DNM3: variants seen among roughly 807,000 people sequenced by gnomAD.
DNM3 encodes dynamin-3.
DNM3 carries 47 observed loss-of-function variants against 101.6 expected under a neutral mutation model. That is an observed-to-expected ratio of 0.46 (90% confidence interval 0.37 to 0.59). The LOEUF is 0.59. Ranked by LOEUF, DNM3 falls within the 20% of genes least tolerant of loss-of-function variation. The pLI, the probability that DNM3 is intolerant of heterozygous loss-of-function variation, is 0.00. For missense variants in DNM3, 849 were observed against 1,085.7 expected, an observed-to-expected ratio of 0.78 and a Z score of 3.06; for synonymous variants, 385 against 387.9, an observed-to-expected ratio of 0.99 and a Z score of 0.09.
In DNM3 at chr1:171,939,140, A is replaced by G. The variant is rs531058722; in HGVS notation, c.235+17319A>G. Among the ~76,000 whole-genome samples, 4 of 152,246 alleles carry G rather than the reference A, an allele frequency of 2.6e-5. No homozygotes were observed. The East Asian group carries it at 7.7e-4, about 29-fold the overall frequency. ...TAGACAAAATTTCTAGTAGTCAATT[A>G]TGTACCTTCCAATATTGAGATCAAT... is the stretch of plus-strand genomic sequence containing the variant. On this transcript the variant is annotated intron_variant, in intron 2 of 20. Transcript: ENST00000627582.
intron 4 of DNM3, among the ~76,000 whole-genome samples, chr1:172,022,127 A>G (rs540923678): frequency 2.0e-5 from 3 of 152,300 alleles, no homozygotes; most frequent in African/African-American, 7.2e-5. Flanking sequence ...TGCCAGTTTC[A>G]TGCCACACAG....
chr1:171,847,918 G>T (rs2124976447), intron 1 of DNM3, among the ~76,000 whole-genome samples: 1 of 152,040 alleles, frequency 6.6e-6, no homozygotes, highest in Non-Finnish European at 1.5e-5. Flanking sequence ...GTGTGTGTGT[G>T]TGTGTGTGTG....
intron 14 of DNM3, chr1:172,138,800 G>A: frequency 2.3e-6 from 1 of 433,902 alleles, no homozygotes; most frequent in Non-Finnish European, 4.8e-6. Flanking sequence ...TGTCATTCAG[G>A]CTGGGTTGTC....
intron 13 of DNM3, among the ~76,000 whole-genome samples, chr1:172,130,158 T>C (rs1162733646): frequency 6.6e-6 from 1 of 152,260 alleles, no homozygotes; most frequent in Non-Finnish European, 1.5e-5. Context: ...CTTCCTTTAG[T>C]AACTTACATT....
At chr1:172,378,873 T>C in intron 17 of DNM3, 145 bp from the exon 18 acceptor site, 1 of 917,316 alleles carries the variant, frequency 1.1e-6, no homozygotes, top group Non-Finnish European at 1.6e-6. Flanking sequence ...TCAGAACCAG[T>C]GGATGCATAA....
At chr1:172,132,142 C>A (rs1281165374) in intron 14 of DNM3, among the ~76,000 whole-genome samples, 2 of 152,152 alleles carry the variant, frequency 1.3e-5, no homozygotes, top group Non-Finnish European at 2.9e-5. Context: ...GTGAGATTCT[C>A]AATTTCATGT....
chr1:172,095,614 G>A (rs2054194731), intron 13 of DNM3, among the ~76,000 whole-genome samples: 1 of 152,108 alleles, frequency 6.6e-6, no homozygotes, highest in Non-Finnish European at 1.5e-5. Flanking sequence ...CCACCCTTCC[G>A]ACTGATGCTG....
chr1:172,143,068 T>C (rs2057674427), intron 14 of DNM3, among the ~76,000 whole-genome samples: 1 of 152,102 alleles, frequency 6.6e-6, no homozygotes, highest in South Asian at 2.1e-4. Context: ...ATGAGAATAC[T>C]TAATGTTTTC....
chr1:171,875,377 G>A (rs994398189), intron 1 of DNM3, among the ~76,000 whole-genome samples: 2 of 152,146 alleles, frequency 1.3e-5, no homozygotes, highest in African/African-American at 4.8e-5. Flanking sequence ...TGAATTGTTT[G>A]TACCAAAGTT....
At chr1:171,968,689 C>T (rs1300372717) in intron 2 of DNM3, among the ~76,000 whole-genome samples, 3 of 152,106 alleles carry the variant, frequency 2.0e-5, no homozygotes, top group African/African-American at 7.2e-5. Context: ...GGAGCTCAGT[C>T]CAAACCGATG....
chr1:171,964,010 A>G (rs1571859044), intron 2 of DNM3, among the ~76,000 whole-genome samples: 1 of 152,168 alleles, frequency 6.6e-6, no homozygotes, highest in Admixed American at 6.6e-5. Context: ...CAGCATTAAC[A>G]TTAGAACAGA....
chr1:171,923,260 A>G (rs2040319230), intron 2 of DNM3, among the ~76,000 whole-genome samples: 1 of 152,196 alleles, frequency 6.6e-6, no homozygotes, highest in Non-Finnish European at 1.5e-5. Context: ...TTTCCTAATG[A>G]CTAAAGATAC....
chr1:172,357,191 T>C (rs190978252), intron 17 of DNM3, among the ~76,000 whole-genome samples: 3 of 152,160 alleles, frequency 2.0e-5, no homozygotes, highest in Admixed American at 6.5e-5. Flanking sequence ...TAGTTTCTCT[T>C]AAGAATCATC....
chr1:172,265,841 G>A (rs2062838541), intron 15 of DNM3, among the ~76,000 whole-genome samples: 1 of 152,184 alleles, frequency 6.6e-6, no homozygotes, highest in Non-Finnish European at 1.5e-5. Context: ...CCAGGGGGTT[G>A]TAGGGCAGCC....
chr1:172,318,478 C>A (rs930296886), intron 16 of DNM3, among the ~76,000 whole-genome samples: 9 of 152,180 alleles, frequency 5.9e-5, no homozygotes, highest in African/African-American at 2.2e-4. Flanking sequence ...GATTGTATAT[C>A]TAGAAAACCC....
chr1:171,934,973 GAA>G (rs1455078868), intron 2 of DNM3, among the ~76,000 whole-genome samples: 3 of 152,072 alleles, frequency 2.0e-5, no homozygotes, highest in African/African-American at 7.2e-5. Context: ...ACCCATTTTA[GAA>G]AAAGAGACTT....
In DNM3 at chr1:171,921,813, C is replaced by A. The variant is rs762099211; in HGVS notation, c.227C>A (p.Ser76Tyr). The A allele has an allele frequency of 2.4e-5, 38 of 1,600,352 alleles. No individual in the cohort carries two copies. Among genetic ancestry groups the A allele is most frequent in the Non-Finnish European group, 1.7e-6 (2 of 1,172,748 alleles). Residue 76 changes from serine (S) to tyrosine (Y), a missense_variant, in exon 2 of 21, where the codon TCT becomes TAT. Around this residue, in one of 5 missense-constraint regions of DNM3, gnomAD observed 388 missense variants for 483.0 expected, o/e 0.80. Coordinates refer to ENST00000627582, the MANE Select transcript of DNM3 (RefSeq NM_015569.5). ...CCTCTTGTGCTGCAGCTTGTTACTTCTAAAGCAGGTAATGAATGAAGATGT... is the reference window on the plus strand; with the variant it reads ...CCTCTTGTGCTGCAGCTTGTTACTTATAAAGCAGGTAATGAATGAAGATGT... ...RRPLVLQLVT[S>Y]KAEYAEFLHC...
chr1:171,993,487 C>T (rs1307255724), intron 4 of DNM3, among the ~76,000 whole-genome samples: 3 of 135,544 alleles, frequency 2.2e-5, no homozygotes, highest in African/African-American at 8.5e-5. Flanking sequence ...TCTCCTGCTG[C>T]TTTCAAGATT....
chr1:172,226,633 A>G (rs2061132709), intron 14 of DNM3, among the ~76,000 whole-genome samples: 1 of 152,158 alleles, frequency 6.6e-6, no homozygotes, highest in African/African-American at 2.4e-5. Flanking sequence ...TACCTACTTC[A>G]TAACATTATT....
Sources: gnomAD v4.1 joint callset for allele counts (sites outside exome capture counted in the v4.1 genomes callset) on GRCh38, gnomAD v4.1.1 for gene constraint, gnomAD v4.1.1 regional missense constraint, MANE v1.5 for transcripts, NCBI Gene and HGNC (gene_info 2026-07-23, HGNC 2026-07-21) for gene names.